The following SHBG variants were observed in gnomAD, a reference collection of about 807,000 sequenced individuals.
SHBG encodes sex hormone binding globulin, also known as sex hormone-binding globulin.
SHBG carries 37 observed loss-of-function variants against 41.9 expected under a neutral mutation model. That is an observed-to-expected ratio of 0.88 (90% CI 0.68 to 1.16). SHBG has a LOEUF of 1.16. SHBG is among the 50% of genes most tolerant of loss of function. SHBG has a pLI of 0.00. For synonymous variants in SHBG, 217 were observed against 205.8 expected, an observed-to-expected ratio of 1.05 and a Z score of -0.47; for missense variants, 466 against 499.9, an observed-to-expected ratio of 0.93 and a Z score of 0.65.
rs5030659 is a variant in SHBG at position 7,633,206 on chromosome 17, GA to G, written c.1065del (p.Asp356ThrfsTer8). The G allele has an allele frequency of 6.1e-4, 982 of 1,614,052 alleles. No individual in the cohort carries two copies. Among genetic ancestry groups the G allele is most frequent in the Non-Finnish European group, 8.0e-4 (944 of 1,180,036 alleles). Reference protein sequence around the residue: ...GRLFLGALPGEDSSTSFCLNG... With the variant: ...GRLFLGALPGXDSSTSFCLNG... ...ACCTTTGCACTACCTCCCTCTAGGA[GA>G]AGACTCTTCCACCTCTTTTTGCCTG... is the stretch of plus-strand genomic sequence containing the variant. On this transcript the variant is annotated frameshift_variant, in exon 8 of 8. Transcript: ENST00000380450. LOFTEE classifies it high-confidence loss of function.
chr17:7,623,031 C>T (rs1172238334), upstream of SHBG, among the ~76,000 whole-genome samples: 2 of 123,066 alleles, frequency 1.6e-5, no homozygotes, highest in African/African-American at 2.9e-5. Context: ...AGCGAGACTC[C>T]GTCTCAAAAA....
chr17:7,614,164 G>A (rs2071910212), intron 1 of SHBG: 1 of 640,204 alleles, frequency 1.6e-6, no homozygotes, highest in Non-Finnish European at 2.9e-6. Context: ...GGGTAAAGGG[G>A]TCTCTCCTGC....
At chr17:7,627,625 A>G (rs756884426), upstream of SHBG, 3 of 1,613,696 alleles carry the variant, frequency 1.9e-6, no homozygotes, top group South Asian at 3.3e-5. This position sits in a 1 kb window ranked among gnomAD's most constrained non-coding sequence, Gnocchi z 4.8. Flanking sequence ...TCGGATCCGC[A>G]CGGAAGCCAT....
chr17:7,614,311 G>T (rs988432536), intron 1 of SHBG: 3 of 693,284 alleles, frequency 4.3e-6, no homozygotes, highest in Non-Finnish European at 7.4e-6. Context: ...GTCTCCCAGG[G>T]AAGGCTGCGG....
chr17:7,630,031 G>C (rs2072346122), upstream of SHBG: 1 of 745,968 alleles, frequency 1.3e-6, no homozygotes, highest in African/African-American at 1.7e-5. The surrounding 1 kb of genome is among the most constrained non-coding windows in gnomAD (Gnocchi z 4.6). Context: ...CCCTGGGCAG[G>C]GGTCAAGGGT....
chr17:7,619,390 C>CAA (rs113765992), intron 1 of SHBG, among the ~76,000 whole-genome samples: 111 of 129,642 alleles, frequency 8.6e-4, no homozygotes, highest in Non-Finnish European at 1.2e-3. Context: ...AACTCCATCT[C>CAA]AAAAAAAAAA....
At position 7,621,256 on chromosome 17, in the gene SHBG, C is replaced by T. The variant is rs749502082; in HGVS notation, c.-62+7145C>T. Among the ~76,000 whole-genome samples, 2 of 142,222 alleles carry T rather than the reference C, an allele frequency of 1.4e-5. 1 individual carries two copies. 93.3% of individuals were successfully genotyped at this position (142,222 alleles called of 152,430 possible). On this transcript the variant is annotated intron_variant, in intron 1 of 5. Coordinates refer to the SHBG transcript ENST00000570547. ...GGAGGATTGCTTGAGGCCAGGATTT[C>T]GAGACCAGCCTGGCCAACACGGAGA...
upstream of SHBG, among the ~76,000 whole-genome samples, chr17:7,625,567 ACT>A (rs2072181945): frequency 6.7e-6 from 1 of 148,350 alleles, no homozygotes; most frequent in African/African-American, 2.5e-5. Context: ...ACAGAGCGAG[ACT>A]CTGTCTCAAA....
Position 7,632,997 on chromosome 17 carries a change from T to C in SHBG, c.1060+38T>C, listed in dbSNP as rs368517583. 1.7e-5 allele frequency: 27 copies of C among 1,578,650 alleles called. No homozygotes were observed. In the African/African-American group the frequency reaches 3.1e-4, roughly 18 times the overall value. ...GATGTTCAAGTTCATGAGCACAACA[T>C]TGGAAACAGCTCAAGGGAGGCGGCA... On this transcript the variant is annotated intron_variant, in intron 7 of 7. Transcript: ENST00000380450.
intron 6 of SHBG, 84 bp downstream of exon 6, chr17:7,632,099 A>G: frequency 7.0e-7 from 1 of 1,427,270 alleles, no homozygotes; most frequent in East Asian, 2.3e-5. Flanking sequence ...TGTCAATATT[A>G]GGAAGGTTTC....
At chr17:7,629,194 G>C (rs1009863969), upstream of SHBG, among the ~76,000 whole-genome samples, 1 of 151,838 alleles carries the variant, frequency 6.6e-6, no homozygotes, top group Non-Finnish European at 1.5e-5. Flanking sequence ...GCAACGTGGT[G>C]AAATCCCCGT....
upstream of SHBG, among the ~76,000 whole-genome samples, chr17:7,624,736 C>G (rs889815318): frequency 6.6e-6 from 1 of 152,034 alleles, no homozygotes; most frequent in African/African-American, 2.4e-5. Context: ...ACTGCAACCT[C>G]CACTTCCTGG....
intron 1 of SHBG, among the ~76,000 whole-genome samples, chr17:7,619,063 A>G (rs2072043076): frequency 6.6e-6 from 1 of 152,196 alleles, no homozygotes. Flanking sequence ...AACTATCCAC[A>G]TGGATCATAC....
At chr17:7,631,016 T>C (rs1053735902) in intron 3 of SHBG, 147 bp downstream of exon 3, 5 of 981,732 alleles carry the variant, frequency 5.1e-6, no homozygotes, top group Non-Finnish European at 7.6e-6. Flanking sequence ...TGGCCCCATC[T>C]TTTCTGATGG....
upstream of SHBG, among the ~76,000 whole-genome samples, chr17:7,629,496 G>A (rs776382414): frequency 3.8e-5 from 5 of 131,246 alleles, no homozygotes; most frequent in African/African-American, 1.0e-4. Flanking sequence ...ACTGAGAGGC[G>A]GGGGGCAGGT....
At chr17:7,614,337 C>T in intron 1 of SHBG, 1 of 794,172 alleles carries the variant, frequency 1.3e-6, no homozygotes, top group South Asian at 1.7e-5. Flanking sequence ...AGCAAGGGTC[C>T]AAGATTCTAA....
At position 7,633,245 on chromosome 17, in the gene SHBG, G is replaced by A; in HGVS notation, c.1102G>A (p.Ala368Thr). The A allele has an allele frequency of 1.9e-6, 3 of 1,614,142 alleles. No homozygotes were observed. The highest frequency in any genetic ancestry group is 1.3e-5 in the African/African-American group (1 of 75,022). Reference sequence around the variant, plus strand: ...CTCTTTTTGCCTGAATGGCCTTTGGGCACAAGGTCAGAGGCTGGATGTGGA... The same window carrying A: ...CTCTTTTTGCCTGAATGGCCTTTGGACACAAGGTCAGAGGCTGGATGTGGA... ...STSFCLNGLW[A>T]QGQRLDVDQA... The change falls in exon 8 of 8, where the codon GCA (alanine) becomes ACA (threonine). Residue 368 changes from alanine (A) to threonine (T), a missense_variant. Transcript: ENST00000380450.
upstream of SHBG, chr17:7,628,273 T>C (rs1477558449): frequency 4.5e-6 from 1 of 223,126 alleles, no homozygotes; most frequent in Non-Finnish European, 8.9e-6. Flanking sequence ...ATTTATTTAT[T>C]TATTTTTGGA....
chr17:7,629,707 G>A (rs858518), upstream of SHBG, among the ~76,000 whole-genome samples: 81,626 of 151,990 alleles, frequency 0.54, 23,110 homozygotes, highest in East Asian at 0.72. Context: ...CTGAAGCACA[G>A]AGGTGAAGTG....
Sources: gnomAD v4.1 joint callset for allele counts (sites outside exome capture counted in the v4.1 genomes callset) on GRCh38, gnomAD v4.1.1 for gene constraint, Gnocchi (gnomAD v3.1) non-coding constraint, MANE v1.5 for transcripts, NCBI Gene and HGNC (gene_info 2026-07-23, HGNC 2026-07-21) for gene names.